TYW1B: variants seen among roughly 807,000 people sequenced by gnomAD.
TYW1B encodes S-adenosyl-L-methionine-dependent tRNA 4-demethylwyosine synthase TYW1B.
TYW1B carries 73 observed loss-of-function variants against 86.9 expected under a neutral mutation model. The observed-to-expected ratio is 0.84, with a 90% CI of 0.70 to 1.02. The LOEUF is 1.02. Among genes scored for constraint, TYW1B ranks in the 50% least tolerant of loss-of-function variants. The pLI, the probability that TYW1B is intolerant of heterozygous loss-of-function variation, is 0.00. For synonymous variants in TYW1B, 248 were observed against 292.8 expected (o/e 0.85, Z 1.56); for missense variants, 637 against 827.4 (o/e 0.77, Z 2.82).
chr7:72,682,466 A>G (rs2129569988), intron 11 of TYW1B, among the ~76,000 whole-genome samples: 1 of 152,330 alleles, frequency 6.6e-6, no homozygotes, highest in Middle Eastern at 3.4e-3. Context: ...TTTATATCCT[A>G]AGGGTCTAAG....
At chr7:72,730,601 GGAAGAGGAGAA>G (rs1230384017) in intron 8 of TYW1B, among the ~76,000 whole-genome samples, 2 of 148,716 alleles carry the variant, frequency 1.3e-5, no homozygotes, top group Non-Finnish European at 3.0e-5. Context: ...AGAAGGAGGA[GGAAGAGGAGAA>G]GAAGAGGAGA....
intron 6 of TYW1B, among the ~76,000 whole-genome samples, chr7:72,786,101 TGTCTAAA>T: frequency 1.3e-5 from 1 of 79,514 alleles, no homozygotes; most frequent in East Asian, 3.5e-4. Context: ...ACAGCAAGAC[TGTCTAAA>T]AAAAAAAGAG....
intron 13 of TYW1B, among the ~76,000 whole-genome samples, chr7:72,589,979 C>CA (rs1554431125): frequency 6.6e-6 from 1 of 152,170 alleles, no homozygotes; most frequent in Non-Finnish European, 1.5e-5. Context: ...AGGAGAATAG[C>CA]AAAGTTAATT....
At chr7:72,732,829 T>A (rs1787135512) in intron 8 of TYW1B, among the ~76,000 whole-genome samples, 1 of 151,684 alleles carries the variant, frequency 6.6e-6, no homozygotes, top group Non-Finnish European at 1.5e-5. Flanking sequence ...GTTCATTTTT[T>A]AAAAAGATAA....
At chr7:72,700,692 G>A (rs1814444538) in intron 10 of TYW1B, among the ~76,000 whole-genome samples, 1 of 152,110 alleles carries the variant, frequency 6.6e-6, no homozygotes, top group South Asian at 2.1e-4. Context: ...TGGCATGCCT[G>A]AAGGTGCCCC....
chr7:72,792,486 G>A (rs2129572311), intron 6 of TYW1B, among the ~76,000 whole-genome samples: 1 of 152,296 alleles, frequency 6.6e-6, no homozygotes, highest in East Asian at 1.9e-4. Flanking sequence ...TGAAAGATTG[G>A]TAACATCTCA....
At chr7:72,791,379 C>T (rs1338144176) in intron 6 of TYW1B, among the ~76,000 whole-genome samples, 4 of 145,056 alleles carry the variant, frequency 2.8e-5, no homozygotes, top group African/African-American at 7.8e-5. Context: ...GTTGTCAATG[C>T]AGCGCGACAG....
chr7:72,773,939 C>T (rs749831344), intron 7 of TYW1B, among the ~76,000 whole-genome samples: 4 of 151,496 alleles, frequency 2.6e-5, no homozygotes, highest in South Asian at 2.1e-4. Context: ...GTGGCGCATG[C>T]GTGTAATCCC....
intron 11 of TYW1B, among the ~76,000 whole-genome samples, chr7:72,643,879 T>C (rs1395051106): frequency 2.0e-5 from 3 of 152,158 alleles, no homozygotes; most frequent in African/African-American, 7.2e-5. Flanking sequence ...AGAGGCCCTA[T>C]TCTCCTTACT....
rs868990560 is a variant in TYW1B at position 72,632,410 on chromosome 7, T to C, written c.1507-3413A>G. ...TACGTATATATATATAATATATATA[T>C]ACATATATATATAAAATATATATAT... On this transcript the variant is annotated intron_variant, in intron 11 of 13. Transcript: ENST00000620995. Among the ~76,000 whole-genome samples, 18 of 104,558 alleles carry C rather than the reference T, an allele frequency of 1.7e-4. 1 individual carries two copies. Among genetic ancestry groups the C allele is most frequent in the African/African-American group, 5.1e-4 (10 of 19,690 alleles). The allele number at this position is 104,558 out of a possible 152,430, so 68.6% of individuals were successfully genotyped here.
chr7:72,774,656 G>A (rs868906763), intron 7 of TYW1B, among the ~76,000 whole-genome samples: 25 of 152,170 alleles, frequency 1.6e-4, no homozygotes, highest in South Asian at 8.3e-4. Context: ...GCTTGAACCT[G>A]GGAGGCAGAG....
chr7:72,745,755 C>T (rs1554463665), intron 7 of TYW1B, among the ~76,000 whole-genome samples: 1 of 151,522 alleles, frequency 6.6e-6, no homozygotes, highest in African/African-American at 2.4e-5. Context: ...GATTTTGAGG[C>T]CAAGTGACTG....
At chr7:72,822,442 T>C (rs763882459) in intron 2 of TYW1B, among the ~76,000 whole-genome samples, 1 of 152,178 alleles carries the variant, frequency 6.6e-6, no homozygotes, top group Non-Finnish European at 1.5e-5. Context: ...AATAGTCACC[T>C]TCCCATAAAA....
chr7:72,770,301 C>T lies in TYW1B; in HGVS notation c.964+7115G>A, dbSNP rs192203118. ...AAAATTAGCTGGGTGTGGTGGTGCGCGCCTGTAGGCCCAGCTACTCGGGAG... is the reference window on the plus strand; with the variant it reads ...AAAATTAGCTGGGTGTGGTGGTGCGTGCCTGTAGGCCCAGCTACTCGGGAG... On this transcript the variant is annotated intron_variant, in intron 7 of 13. Transcript: ENST00000620995. 4.7e-3 allele frequency among the ~76,000 whole-genome samples: 708 copies of T among 151,298 alleles called. 4 individuals carry two copies. The highest frequency in any genetic ancestry group is 8.0e-3 in the Non-Finnish European group (541 of 67,800).
Position 72,807,074 on chromosome 7 carries a change from C to T in TYW1B, c.715G>A (p.Asp239Asn). Residue 239 changes from aspartate (D) to asparagine (N), a missense_variant, in exon 5 of 14, where the codon GAC becomes AAC. Asp to Asn is a conservative substitution (Grantham distance 23). Coordinates refer to ENST00000620995, the MANE Select transcript of TYW1B (RefSeq NM_001145440.3). ...SQEQDELHHR[D>N]TKEEEPFESS... ...ACACACAGGCGGTATACCTTGGTGT[C>T]TCTGTGATGCAATTCGTCCTGCTCT... The T allele has an allele frequency of 6.2e-7, 1 of 1,613,746 alleles. No homozygotes were observed. The highest frequency in any genetic ancestry group is 8.5e-7 in the Non-Finnish European group (1 of 1,179,732).
intron 11 of TYW1B, among the ~76,000 whole-genome samples, chr7:72,650,706 C>T (rs1373925665): frequency 1.3e-5 from 2 of 152,146 alleles, no homozygotes; most frequent in Non-Finnish European, 1.5e-5. Context: ...TTAGAGCACA[C>T]ATGCATGCAA....
At chr7:72,622,883 C>T (rs782417595) in intron 12 of TYW1B, among the ~76,000 whole-genome samples, 9 of 152,058 alleles carry the variant, frequency 5.9e-5, no homozygotes, top group Non-Finnish European at 1.3e-4. Flanking sequence ...GAAAAGATGC[C>T]GAGGGCATGC....
chr7:72,781,213 G>A (rs1485420557), intron 6 of TYW1B, among the ~76,000 whole-genome samples: 2 of 152,028 alleles, frequency 1.3e-5, no homozygotes, highest in Admixed American at 1.3e-4. Flanking sequence ...GATACCAGAG[G>A]CAATCAGAAC....
chr7:72,700,129 A>G (rs1404204294), intron 10 of TYW1B, among the ~76,000 whole-genome samples: 2 of 143,866 alleles, frequency 1.4e-5, no homozygotes, highest in African/African-American at 5.2e-5. Flanking sequence ...AAATCATTCC[A>G]TATCAATACA....
Sources: allele counts gnomAD v4.1 joint callset (sites outside exome capture counted in the v4.1 genomes callset), GRCh38; gene constraint gnomAD v4.1.1; transcripts MANE v1.5; gene names NCBI Gene and HGNC (gene_info 2026-07-23, HGNC 2026-07-21).